Variants in PREP observed in about 807,000 individuals in gnomAD.
PREP encodes the protein dJ355L5.1 (prolyl endopeptidase).
Under a neutral mutation model 87.6 loss-of-function variants are expected in PREP, and 29 were observed. That is an observed-to-expected ratio of 0.33 (90% CI 0.25 to 0.45). The LOEUF (loss-of-function observed/expected upper bound fraction) is 0.45. Among genes scored for constraint, PREP ranks in the 20% least tolerant of loss-of-function variants. The probability of loss-of-function intolerance (pLI) is 1.00; values close to 1 mark genes in which losing one functional copy is unlikely to be tolerated. For missense variants in PREP, 695 were observed against 886.5 expected, an observed-to-expected ratio of 0.78 and a Z score of 2.74; for synonymous variants, 337 against 328.6, an observed-to-expected ratio of 1.03 and a Z score of -0.28.
intron 7 of PREP, among the ~76,000 whole-genome samples, chr6:105,352,648 G>A (rs981298856): frequency 3.3e-5 from 5 of 152,056 alleles, no homozygotes; most frequent in East Asian, 3.9e-4. Flanking sequence ...CACTATGCCC[G>A]GCTGCACCAT....
At chr6:105,326,785 C>G (rs6934191) in intron 9 of PREP, among the ~76,000 whole-genome samples, 55,743 of 152,098 alleles carry the variant, frequency 0.37, 14,393 homozygotes, top group African/African-American at 0.74. Flanking sequence ...TTGCATTCGG[C>G]AGAGAAAAGA....
intron 2 of PREP, among the ~76,000 whole-genome samples, chr6:105,395,088 A>G (rs1210142324): frequency 6.6e-6 from 1 of 152,238 alleles, no homozygotes; most frequent in African/African-American, 2.4e-5. Flanking sequence ...GCTTTCTAAC[A>G]TGAAAAATTG....
At chr6:105,385,295 A>G (rs1025757368) in intron 2 of PREP, among the ~76,000 whole-genome samples, 6 of 151,096 alleles carry the variant, frequency 4.0e-5, no homozygotes, top group Admixed American at 2.0e-4. Flanking sequence ...AAAAAAAAAA[A>G]AAAAAAAGAA....
At chr6:105,360,983 C>T (rs977184697) in intron 6 of PREP, among the ~76,000 whole-genome samples, 1 of 152,068 alleles carries the variant, frequency 6.6e-6, no homozygotes, top group African/African-American at 2.4e-5. Flanking sequence ...ACATACCATA[C>T]ATGTATGAGT....
At chr6:105,349,796 A>C (rs1262051243) in intron 7 of PREP, among the ~76,000 whole-genome samples, 1 of 151,816 alleles carries the variant, frequency 6.6e-6, no homozygotes, top group African/African-American at 2.4e-5. Context: ...GTTCAGGTCT[A>C]AGTCATCTAA....
At position 105,273,340 on chromosome 6, in the gene PREP, T is replaced by G. The variant is rs1325417593; in HGVS notation, c.*4804A>C. On this transcript the variant is annotated 3_prime_UTR_variant, in exon 15 of 15. Coordinates refer to ENST00000652536, the MANE Select transcript of PREP (RefSeq NM_002726.5). The stretch of plus-strand genomic sequence containing the variant: ...TGACTTTTTAATACATTTACCAGGT[T>G]GTGCAACCGTTACTGAAATCCAGTT... The G allele has an allele frequency of 6.6e-6, 1 of 152,236 alleles. No homozygotes were observed. The highest frequency in any genetic ancestry group is 1.5e-5 in the Non-Finnish European group (1 of 68,046). 9.4% of individuals were successfully genotyped at this position (152,236 alleles called of 1,614,324 possible).
At chr6:105,322,180 C>T (rs1771029529) in intron 10 of PREP, 2 of 505,046 alleles carry the variant, frequency 4.0e-6, no homozygotes, top group South Asian at 1.8e-4. Flanking sequence ...AAATACCAGA[C>T]AGGGGCTACA....
chr6:105,311,231 A>G (rs1175652610), intron 10 of PREP, among the ~76,000 whole-genome samples: 3 of 152,186 alleles, frequency 2.0e-5, no homozygotes, highest in Admixed American at 1.3e-4. Flanking sequence ...TTCTTACATC[A>G]AAACCATGTC....
chr6:105,282,345 T>TGTG, intron 13 of PREP, 106 bp downstream of exon 13: 1 of 1,375,684 alleles, frequency 7.3e-7, no homozygotes, highest in South Asian at 1.5e-5. Context: ...TATACCACTT[T>TGTG]GTGGTCCTAT....
intron 6 of PREP, among the ~76,000 whole-genome samples, chr6:105,361,384 G>A (rs1463349757): frequency 6.6e-6 from 1 of 152,038 alleles, no homozygotes; most frequent in African/African-American, 2.4e-5. Context: ...CACTCCAGTC[G>A]TGTGGTGGTG....
In PREP at chr6:105,277,772, A is replaced by G. The variant is rs1769977333; in HGVS notation, c.*372T>C. The G allele has an allele frequency of 5.4e-6, 1 of 185,894 alleles. No individual in the cohort carries two copies. The highest frequency in any genetic ancestry group is 1.1e-5 in the Non-Finnish European group (1 of 89,056). The allele number at this position is 185,894 out of a possible 1,614,324, so 11.5% of individuals were successfully genotyped here. A position where few individuals can be genotyped will look rare whatever the true frequency, so the allele number is the denominator to read the frequency against. On this transcript the variant is annotated 3_prime_UTR_variant, in exon 15 of 15. Coordinates refer to ENST00000652536, the MANE Select transcript of PREP (RefSeq NM_002726.5). Reference sequence around the variant, plus strand: ...GCAAAGAAGTCTTCTCCATGAGAACAGTTCTCACATTTATTTAAAGATATA... The same window carrying G: ...GCAAAGAAGTCTTCTCCATGAGAACGGTTCTCACATTTATTTAAAGATATA...
At chr6:105,319,525 A>G (rs147911202) in intron 10 of PREP, among the ~76,000 whole-genome samples, 1 of 152,350 alleles carries the variant, frequency 6.6e-6, no homozygotes, top group East Asian at 1.9e-4. Context: ...CCTTTGTGAC[A>G]CCACATTCAA....
At chr6:105,377,299 G>T in intron 3 of PREP, 87 bp downstream of exon 3, 1 of 1,402,558 alleles carries the variant, frequency 7.1e-7, no homozygotes, top group Non-Finnish European at 9.7e-7. Flanking sequence ...TCTTATACAA[G>T]GACAAGTTAT....
intron 9 of PREP, among the ~76,000 whole-genome samples, chr6:105,324,822 T>C (rs1771107037): frequency 6.6e-6 from 1 of 152,220 alleles, no homozygotes; most frequent in Non-Finnish European, 1.5e-5. Flanking sequence ...GAGTAATACA[T>C]TTAGATCCGT....
At chr6:105,306,887 C>T (rs1430188690) in intron 10 of PREP, among the ~76,000 whole-genome samples, 2 of 152,180 alleles carry the variant, frequency 1.3e-5, no homozygotes, top group African/African-American at 2.4e-5. Flanking sequence ...TTTCCAGGCT[C>T]ACATGCTATG....
intron 6 of PREP, among the ~76,000 whole-genome samples, chr6:105,361,370 A>C (rs957531909): frequency 1.3e-5 from 2 of 152,174 alleles, no homozygotes; most frequent in Non-Finnish European, 2.9e-5. Context: ...TGCTACAGCA[A>C]CTACACTCCA....
In PREP at chr6:105,371,500, C is replaced by CAA. The variant is rs528772896; in HGVS notation, c.595+1867_595+1868dup. On this transcript the variant is annotated intron_variant, in intron 5 of 14. Transcript: ENST00000652536. ...TGGGTGACACAGTGAGATTCCATCT[C>CAA]AAAAAAAAAAAAAAAAAAAAAAAAA... 3.5e-3 allele frequency among the ~76,000 whole-genome samples: 156 copies of CAA among 44,702 alleles called. 4 individuals carry two copies. The highest frequency in any genetic ancestry group is 4.9e-3 in the Non-Finnish European group (104 of 21,232). 29.3% of individuals were successfully genotyped at this position (44,702 alleles called of 152,430 possible). A position where few individuals can be genotyped will look rare whatever the true frequency, so the allele number is the denominator to read the frequency against.
chr6:105,362,855 A>G (rs1331294025), intron 6 of PREP, among the ~76,000 whole-genome samples: 4 of 152,164 alleles, frequency 2.6e-5, no homozygotes, highest in Non-Finnish European at 5.9e-5. Context: ...ACAGCCAACC[A>G]GCAAGGGGCA....
chr6:105,281,644 C>T (rs369815717), intron 14 of PREP, 102 bp downstream of exon 14: 10 of 1,398,768 alleles, frequency 7.1e-6, no homozygotes, highest in Non-Finnish European at 5.8e-6. Context: ...TATGCAAATG[C>T]AAGACCCTGA....
Sources: allele counts gnomAD v4.1 joint callset (sites outside exome capture counted in the v4.1 genomes callset), GRCh38; gene constraint gnomAD v4.1.1; transcripts MANE v1.5; gene names NCBI Gene and HGNC (gene_info 2026-07-23, HGNC 2026-07-21).